The following C2orf42 variants were observed in gnomAD, a reference collection of about 807,000 sequenced individuals.
C2orf42 encodes the protein chromosome 2 open reading frame 42.
A neutral mutation model predicts 58.9 loss-of-function variants in C2orf42; 44 were observed. The ratio of observed to expected loss-of-function variants is 0.75; its 90% confidence interval spans 0.59 to 0.96. C2orf42 has a LOEUF of 0.96. Ranked by LOEUF, C2orf42 falls within the 40% of genes least tolerant of loss-of-function variation. The pLI is 0.00. For missense variants in C2orf42, 630 were observed against 699.2 expected, an observed-to-expected ratio of 0.90 and a Z score of 1.12; for synonymous variants, 239 against 265.4, an observed-to-expected ratio of 0.90 and a Z score of 0.97.
At chr2:70,179,902 G>T (rs1389927465) in intron 3 of C2orf42, among the ~76,000 whole-genome samples, 1 of 151,964 alleles carries the variant, frequency 6.6e-6, no homozygotes, top group African/African-American at 2.4e-5. Context: ...TTATGTCACT[G>T]CATGCCAGCC....
At chr2:70,165,751 G>T in intron 6 of C2orf42, 116 bp from the exon 7 acceptor site, 1 of 642,944 alleles carries the variant, frequency 1.6e-6, no homozygotes, top group Admixed American at 2.7e-5. Context: ...ATACCACTGA[G>T]ATTTCTTTAT....
rs766153798 is a variant in C2orf42 at position 70,181,610 on chromosome 2, G to C, written c.376C>G (p.Gln126Glu). 20 of 1,614,002 alleles carry C rather than the reference G, an allele frequency of 1.2e-5. No individual in the cohort carries two copies. The South Asian group carries it at 2.1e-4, about 17-fold the overall frequency. Residue 126 changes from glutamine to glutamate, a missense_variant, in exon 3 of 10, where the codon CAA (glutamine) becomes GAA (glutamate). By Grantham distance (29) the Gln-to-Glu change is conservative. Transcript: ENST00000264434. Reference protein sequence around the residue: ...YVPSCLKAATQGVVENQCQHI... With the variant: ...YVPSCLKAATEGVVENQCQHI... The stretch of plus-strand genomic sequence containing the variant: ...TGGCACTGGTTTTCCACAACGCCTT[G>C]AGTGGCAGCTTTCAGGCATGAGGGG...
In C2orf42 at chr2:70,184,162, T is replaced by A. The variant is rs1469103675; in HGVS notation, c.-281-1227A>T. ...CTAGTTCATAGCACCAATGAAAAGG[T>A]GGACATTTTAAAACTATTCTTATTT... On this transcript the variant is annotated intron_variant, in intron 1 of 9. Coordinates refer to ENST00000264434, the MANE Select transcript of C2orf42 (RefSeq NM_017880.3). Among the ~76,000 whole-genome samples, 3 of 151,888 alleles carry A rather than the reference T, an allele frequency of 2.0e-5. No homozygotes were observed. In the East Asian group the frequency reaches 5.8e-4, roughly 29 times the overall value.
rs1180110807 is a variant in C2orf42 at position 70,184,230 on chromosome 2, GA to G, written c.-281-1296del. Among the ~76,000 whole-genome samples the G allele has an allele frequency of 9.3e-5, 14 of 151,002 alleles. 1 individual carries two copies. In the East Asian group the frequency reaches 1.8e-3, roughly 19 times the overall value. The stretch of plus-strand genomic sequence containing the variant: ...AATCAGTGGATAGAAGATGTAGAGA[GA>G]AAAAAAAATTGTTTTGAGACAGTCT... On this transcript the variant is annotated intron_variant, in intron 1 of 9. Transcript: ENST00000264434.
intron 5 of C2orf42, among the ~76,000 whole-genome samples, chr2:70,174,765 G>A (rs1042575787): frequency 6.6e-6 from 1 of 151,692 alleles, no homozygotes; most frequent in Non-Finnish European, 1.5e-5. Flanking sequence ...CTGCCTCCCG[G>A]GTTCAAGTGA....
At chr2:70,175,532 C>T (rs1250721861) in intron 5 of C2orf42, 141 bp downstream of exon 5, 1 of 684,858 alleles carries the variant, frequency 1.5e-6, no homozygotes, top group Non-Finnish European at 2.7e-6. Context: ...ACTGGTGGGA[C>T]AGGAGGGACC....
rs1260316876 is a variant in C2orf42 at position 70,157,311 on chromosome 2, G to A, written c.1516+3314C>T. Among the ~76,000 whole-genome samples, 4 of 151,996 alleles carry A rather than the reference G, an allele frequency of 2.6e-5. No homozygotes were observed. In the East Asian group the frequency reaches 5.8e-4, roughly 22 times the overall value. Reference sequence around the variant, plus strand: ...CTACTAAAAATACAAAAAATTAGCCGGGCGAGGTGGCGGGCCTCTGTAGTC... The same window carrying A: ...CTACTAAAAATACAAAAAATTAGCCAGGCGAGGTGGCGGGCCTCTGTAGTC... On this transcript the variant is annotated intron_variant, in intron 9 of 9. Transcript: ENST00000264434.
intron 5 of C2orf42, among the ~76,000 whole-genome samples, chr2:70,170,136 C>T (rs1446746493): frequency 1.3e-5 from 2 of 151,026 alleles, no homozygotes; most frequent in African/African-American, 4.9e-5. Context: ...ATCCACCTGC[C>T]TCAGCCTTCT....
intron 6 of C2orf42, among the ~76,000 whole-genome samples, chr2:70,169,247 C>CCACACACA (rs35414580): frequency 3.7e-4 from 52 of 141,128 alleles, no homozygotes; most frequent in African/African-American, 1.2e-3. Context: ...ATCTCCCTCA[C>CCACACACA]CACACACACA....
At chr2:70,164,949 G>T in intron 8 of C2orf42, 143 bp downstream of exon 8, 1 of 449,892 alleles carries the variant, frequency 2.2e-6, no homozygotes. Context: ...TATAAAGCCA[G>T]GGATATTTCT....
intron 9 of C2orf42, among the ~76,000 whole-genome samples, chr2:70,152,931 G>T (rs561044494): frequency 1.1e-4 from 16 of 152,062 alleles, no homozygotes; most frequent in African/African-American, 3.9e-4. Context: ...TACTCAGAAG[G>T]CTGAGATAAA....
rs755349579 is a variant in C2orf42 at position 70,181,928 on chromosome 2, C to T, written c.58G>A (p.Ala20Thr). 1.2e-6 allele frequency: 2 copies of T among 1,613,950 alleles called. No individual in the cohort carries two copies. Among genetic ancestry groups the T allele is most frequent in the Admixed American group, 3.3e-5 (2 of 59,974 alleles). Residue 20 changes from alanine to threonine, a missense_variant, in exon 3 of 10, where the codon GCC becomes ACC. Transcript: ENST00000264434. ...CACTTTCTGATTCCCCTCAATGTGG[C>T]CTTCCCCAAATCAGATAAGAAAGCT... ...VPAFLSDLGK[A>T]TLRGIRKCPR...
chr2:70,181,327 C>T lies in C2orf42; in HGVS notation c.659G>A (p.Arg220His), dbSNP rs758679774. The change falls in exon 3 of 10, where the codon CGC becomes CAC. Residue 220 changes from arginine (R) to histidine (H), a missense_variant. By Grantham distance (29) the Arg-to-His change is conservative. Transcript: ENST00000264434. ...QKVSGKSLPE[R>H]RFFCSCQTLK... ...AGTCTGACAGGAGCAGAAGAAGCGGCGCTCAGGCAAGCTTTTGCCACTGAC... is the reference window on the plus strand; with the variant it reads ...AGTCTGACAGGAGCAGAAGAAGCGGTGCTCAGGCAAGCTTTTGCCACTGAC... The T allele has an allele frequency of 1.8e-5, 29 of 1,613,882 alleles. No individual in the cohort carries two copies. The highest frequency in any genetic ancestry group is 5.0e-5 in the Admixed American group (3 of 59,966).
In C2orf42 at chr2:70,149,981, G is replaced by C; in HGVS notation, c.*375C>G. On this transcript the variant is annotated 3_prime_UTR_variant, in exon 10 of 10. Coordinates refer to ENST00000264434, the MANE Select transcript of C2orf42 (RefSeq NM_017880.3). ...GTCTTTAACATTCTGCCCTAACCAG[G>C]GTGTTAACTTTCCAACACTGTTGGT... 1 of 266,010 alleles carries C rather than the reference G, an allele frequency of 3.8e-6. No homozygotes were observed. Among genetic ancestry groups the C allele is most frequent in the South Asian group, 4.3e-5 (1 of 23,438 alleles). The allele number at this position is 266,010 out of a possible 1,614,324, so 16.5% of individuals were successfully genotyped here.
At chr2:70,184,417 T>G (rs750159637) in intron 1 of C2orf42, among the ~76,000 whole-genome samples, 4 of 151,738 alleles carry the variant, frequency 2.6e-5, no homozygotes, top group Non-Finnish European at 4.4e-5. Flanking sequence ...CCTCCAGTGA[T>G]CTGCCCGCCT....
intron 9 of C2orf42, among the ~76,000 whole-genome samples, chr2:70,150,949 G>T (rs896887766): frequency 2.6e-5 from 4 of 152,272 alleles, no homozygotes; most frequent in Middle Eastern, 3.4e-3. Flanking sequence ...GTTTCATCGT[G>T]TTAGCCAGGA....
intron 8 of C2orf42, among the ~76,000 whole-genome samples, chr2:70,162,311 C>T (rs2104869903): frequency 6.9e-6 from 1 of 144,934 alleles, no homozygotes; most frequent in Admixed American, 6.7e-5. Context: ...TCGCCAGCCT[C>T]TTTTGCTTTC....
chr2:70,174,945 T>C (rs1674086391), intron 5 of C2orf42, among the ~76,000 whole-genome samples: 1 of 150,196 alleles, frequency 6.7e-6, no homozygotes, highest in African/African-American at 2.5e-5. Flanking sequence ...GTGCTGGGAT[T>C]ACAGGCGTGA....
At position 70,189,026 on chromosome 2, in the gene C2orf42, C is replaced by T. The variant is rs564026256; in HGVS notation, c.-282+1947G>A. Among the ~76,000 whole-genome samples, 208 of 152,144 alleles carry T rather than the reference C, an allele frequency of 1.4e-3. 4 individuals are homozygous for T. The South Asian group carries it at 0.04, about 29-fold the overall frequency. On this transcript the variant is annotated intron_variant, in intron 1 of 9. Coordinates refer to ENST00000264434, the MANE Select transcript of C2orf42 (RefSeq NM_017880.3). Reference sequence around the variant, plus strand: ...AAATATAAGAAACAACCTGATGTCCCTCAAGAAGATACTGGTGTAATTAAT... The same window carrying T: ...AAATATAAGAAACAACCTGATGTCCTTCAAGAAGATACTGGTGTAATTAAT...
Sources: allele counts gnomAD v4.1 joint callset (sites outside exome capture counted in the v4.1 genomes callset), GRCh38; gene constraint gnomAD v4.1.1; transcripts MANE v1.5; gene names NCBI Gene and HGNC (gene_info 2026-07-23, HGNC 2026-07-21).